Variants in RABGEF1 observed in about 807,000 individuals in gnomAD.
RABGEF1 encodes the protein rab5 GDP/GTP exchange factor.
In RABGEF1, 26 loss-of-function variants were observed where a neutral mutation model predicts 57.3. The ratio of observed to expected loss-of-function variants is 0.45; its 90% CI spans 0.33 to 0.63. The LOEUF is 0.63. Ranked by LOEUF, RABGEF1 falls within the 20% of genes least tolerant of loss-of-function variation. The pLI is 0.02. For synonymous variants in RABGEF1, 185 were observed against 210.7 expected, an observed-to-expected ratio of 0.88 and a Z score of 1.06; for missense variants, 464 against 607.6, an observed-to-expected ratio of 0.76 and a Z score of 2.48.
chr7:66,741,022 G>A lies in RABGEF1; in HGVS notation c.-18+230G>A, dbSNP rs184086592. On this transcript the variant is annotated intron_variant, in intron 1 of 8. Coordinates refer to ENST00000284957, the MANE Select transcript of RABGEF1 (RefSeq NM_014504.3). Reference sequence around the variant, plus strand: ...CGGCTCCCTTAATCCTCAGAGTGCGGCCTCTCCGTCCCAGACGCTAGTTGC... The same window carrying A: ...CGGCTCCCTTAATCCTCAGAGTGCGACCTCTCCGTCCCAGACGCTAGTTGC... Among the ~76,000 whole-genome samples the A allele has an allele frequency of 8.0e-3, 1,216 of 152,240 alleles. 25 individuals carry two copies. Among genetic ancestry groups the A allele is most frequent in the Non-Finnish European group, 6.5e-3 (443 of 68,004 alleles).
intron 1 of RABGEF1, among the ~76,000 whole-genome samples, chr7:66,758,187 C>A (rs1803261849): frequency 6.6e-6 from 1 of 152,274 alleles, no homozygotes; most frequent in Middle Eastern, 3.4e-3. Context: ...TAGAGGGAAA[C>A]TACTCACATC....
intron 7 of RABGEF1, among the ~76,000 whole-genome samples, chr7:66,804,004 G>T (rs1787880342): frequency 6.6e-6 from 1 of 151,860 alleles, no homozygotes; most frequent in South Asian, 2.1e-4. Flanking sequence ...TGTGAATGTT[G>T]TGATTTCTGT....
At chr7:66,680,616 G>A (rs1160461030), upstream of RABGEF1, among the ~76,000 whole-genome samples, 3 of 151,408 alleles carry the variant, frequency 2.0e-5, no homozygotes, top group South Asian at 6.3e-4. Flanking sequence ...TTTGAGAAAC[G>A]AATCAATTAA....
At chr7:66,796,948 G>A in intron 5 of RABGEF1, 1 of 429,646 alleles carries the variant, frequency 2.3e-6, no homozygotes, top group South Asian at 1.7e-5. Context: ...CTTTTGTTCT[G>A]AGTGTGTTTA....
At chr7:66,794,495 G>C (rs140667427) in intron 4 of RABGEF1, among the ~76,000 whole-genome samples, 4 of 151,900 alleles carry the variant, frequency 2.6e-5, no homozygotes, top group African/African-American at 7.2e-5. Flanking sequence ...CTTTTAAATA[G>C]CCTTTAAATA....
intron 2 of RABGEF1, among the ~76,000 whole-genome samples, chr7:66,720,760 T>C (rs1795955214): frequency 6.6e-6 from 1 of 152,148 alleles, no homozygotes; most frequent in African/African-American, 2.4e-5. Flanking sequence ...AGTAACACTG[T>C]TCTTATTGCA....
intron 2 of RABGEF1, among the ~76,000 whole-genome samples, chr7:66,719,823 C>T (rs1459115596): frequency 1.3e-5 from 2 of 152,094 alleles, no homozygotes; most frequent in Admixed American, 1.3e-4. Context: ...TTTCCTGTTA[C>T]AGTAGTAGGG....
chr7:66,739,174 T>C (rs922013321), upstream of RABGEF1, among the ~76,000 whole-genome samples: 11 of 151,772 alleles, frequency 7.2e-5, no homozygotes, highest in African/African-American at 2.4e-4. Context: ...GGTCTTGAAC[T>C]CCCGACCTCA....
chr7:66,686,729 G>C (rs1372406233), intron 1 of RABGEF1, among the ~76,000 whole-genome samples: 1 of 152,094 alleles, frequency 6.6e-6, no homozygotes, highest in Non-Finnish European at 1.5e-5. Context: ...TTTTGGTGCT[G>C]TTTTCAAGTT....
intron 1 of RABGEF1, among the ~76,000 whole-genome samples, chr7:66,690,182 A>C (rs1277404850): frequency 6.7e-6 from 1 of 149,764 alleles, no homozygotes; most frequent in Non-Finnish European, 1.5e-5. Context: ...GCTCACTGCA[A>C]CCTCTGCCTC....
At chr7:66,690,099 TC>T (rs377470730) in intron 1 of RABGEF1, among the ~76,000 whole-genome samples, 82 of 147,498 alleles carry the variant, frequency 5.6e-4, no homozygotes, top group African/African-American at 1.8e-3. Flanking sequence ...GATAAAAAAT[TC>T]TTTTTTTTTT....
intron 1 of RABGEF1, among the ~76,000 whole-genome samples, chr7:66,769,578 C>G (rs1165004384): frequency 1.3e-5 from 2 of 152,174 alleles, no homozygotes; most frequent in African/African-American, 4.8e-5. Flanking sequence ...GAGTTCATTC[C>G]TTGGCCTGGA....
chr7:66,671,019 T>TTA, the RABGEF1 span, among the ~76,000 whole-genome samples: 3 of 142,022 alleles, frequency 2.1e-5, 1 homozygote, highest in South Asian at 4.4e-4. Context: ...ATATCTATAT[T>TTA]TATATATATA....
chr7:66,705,487 GGA>G (rs1793924920), intron 1 of RABGEF1, among the ~76,000 whole-genome samples: 2 of 118,386 alleles, frequency 1.7e-5, no homozygotes, highest in Non-Finnish European at 3.7e-5. Context: ...GAGAGAGAGA[GGA>G]GGGGGGAGGG....
At chr7:66,732,212 C>T (rs980775304) in intron 2 of RABGEF1, among the ~76,000 whole-genome samples, 23 of 152,358 alleles carry the variant, frequency 1.5e-4, no homozygotes, top group South Asian at 8.3e-4. Flanking sequence ...CGTCCATAAG[C>T]GAGCCCTGGG....
rs1203405371 is a variant in RABGEF1 at position 66,808,975 on chromosome 7, C to A, written c.1167C>A (p.Thr389=). Residue 389 remains threonine, a synonymous_variant, in exon 9 of 9, where the codon ACC becomes ACA. Coordinates refer to ENST00000284957, the MANE Select transcript of RABGEF1 (RefSeq NM_014504.3). ...TTGATCGCTACATGTCTGGCCAGAC[C>A]TCTCCCAGGAAGCAAGAAGCTGAGA... ...EDFDRYMSGQ[T]SPRKQEAESW... 6.2e-7 allele frequency: 1 copy of A among 1,614,082 alleles called. No homozygotes were observed. The highest frequency in any genetic ancestry group is 1.1e-5 in the South Asian group (1 of 91,074).
At chr7:66,718,460 G>A (rs889563307) in intron 2 of RABGEF1, among the ~76,000 whole-genome samples, 1 of 152,118 alleles carries the variant, frequency 6.6e-6, no homozygotes, top group Non-Finnish European at 1.5e-5. Flanking sequence ...CATGTAAGAT[G>A]TTTAGATTTC....
At chr7:66,797,629 C>T (rs1038594420) in intron 6 of RABGEF1, 123 bp downstream of exon 6, 55 of 1,099,770 alleles carry the variant, frequency 5.0e-5, no homozygotes, top group Non-Finnish European at 7.0e-5. Flanking sequence ...TTCCTGCTTC[C>T]TTAGAGTGGA....
chr7:66,707,927 C>T (rs1794328256), intron 1 of RABGEF1, among the ~76,000 whole-genome samples: 1 of 152,044 alleles, frequency 6.6e-6, no homozygotes, highest in South Asian at 2.1e-4. Flanking sequence ...TTAATATAGC[C>T]ACTCTAGCTC....
Sources: allele counts gnomAD v4.1 joint callset (sites outside exome capture counted in the v4.1 genomes callset), GRCh38; gene constraint gnomAD v4.1.1; transcripts MANE v1.5; gene names NCBI Gene and HGNC (gene_info 2026-07-23, HGNC 2026-07-21).